Variants in MAML2 observed in about 807,000 individuals in gnomAD.
MAML2 encodes the protein mastermind-like protein 2.
MAML2 carries 22 observed loss-of-function variants against 96.1 expected under a neutral mutation model. That is an observed-to-expected ratio of 0.23 (90% CI 0.16 to 0.33). The LOEUF (loss-of-function observed/expected upper bound fraction) is 0.33, where lower values mean the gene tolerates loss of function less well. Ranked by LOEUF, MAML2 falls within the 10% of genes least tolerant of loss-of-function variation. The pLI, the probability that MAML2 is intolerant of heterozygous loss-of-function variation, is 1.00. For synonymous variants in MAML2, 561 were observed against 521.3 expected, an observed-to-expected ratio of 1.08 and a Z score of -1.04; for missense variants, 1,367 against 1,392.4, an observed-to-expected ratio of 0.98 and a Z score of 0.29.
chr11:96,204,990 A>G (rs4753191), intron 1 of MAML2, among the ~76,000 whole-genome samples: 36,075 of 152,102 alleles, frequency 0.24, 4,310 homozygotes, highest in East Asian at 0.3. Flanking sequence ...TCAGAGTCCT[A>G]TATCTGTTGC....
chr11:96,105,721 C>A (rs921167953), intron 1 of MAML2, among the ~76,000 whole-genome samples: 1 of 152,142 alleles, frequency 6.6e-6, no homozygotes, highest in Non-Finnish European at 1.5e-5. Flanking sequence ...GCCTGAGTAA[C>A]TATGAACCAT....
rs575772889 is a variant in MAML2, at chr11:96,120,059, G to A, written c.514-26542C>T. On this transcript the variant is annotated intron_variant, in intron 1 of 4. Transcript: ENST00000524717. ...TGCAAGCTCCGCCTCCCAGGTTCACGCCATTCTCCTGCCTCAGCCTCCCGA... is the reference window on the plus strand; with the variant it reads ...TGCAAGCTCCGCCTCCCAGGTTCACACCATTCTCCTGCCTCAGCCTCCCGA... 6.0e-5 allele frequency among the ~76,000 whole-genome samples: 9 copies of A among 148,838 alleles called. No individual in the cohort carries two copies. In the East Asian group the frequency reaches 8.0e-4, roughly 13 times the overall value.
chr11:96,216,760 A>G (rs1244761856), intron 1 of MAML2, among the ~76,000 whole-genome samples: 2 of 152,216 alleles, frequency 1.3e-5, no homozygotes, highest in African/African-American at 4.8e-5. Context: ...TTAGAAGCCA[A>G]CGTAATGTGT....
intron 2 of MAML2, among the ~76,000 whole-genome samples, chr11:96,007,873 T>G (rs58994894): frequency 0.39 from 33,340 of 86,134 alleles, 4,681 homozygotes; most frequent in South Asian, 0.51. Flanking sequence ...CTGGGGACTG[T>G]GGTGGGGTGG....
Position 96,125,413 on chromosome 11 carries a change from T to C in MAML2, c.514-31896A>G, listed in dbSNP as rs984601109. On this transcript the variant is annotated intron_variant, in intron 1 of 4. Transcript: ENST00000524717. ...CAGGAGAGGCATGAGGTGACATCTG[T>C]AACACAAGTGGGTGGCTACCGCTGG... Among the ~76,000 whole-genome samples, 8 of 152,070 alleles carry C rather than the reference T, an allele frequency of 5.3e-5. No individual in the cohort carries two copies. In the South Asian group the frequency reaches 6.2e-4, roughly 12 times the overall value.
intron 2 of MAML2, among the ~76,000 whole-genome samples, chr11:96,020,787 C>T (rs570054441): frequency 3.3e-5 from 5 of 152,104 alleles, no homozygotes; most frequent in Admixed American, 6.5e-5. Context: ...GTCTTAGTGG[C>T]AGAGTGTAAG....
At chr11:96,141,595 A>G (rs961151379) in intron 1 of MAML2, among the ~76,000 whole-genome samples, 1 of 152,154 alleles carries the variant, frequency 6.6e-6, no homozygotes, top group African/African-American at 2.4e-5. Flanking sequence ...AAGGTAAATG[A>G]GTTTGAGGCA....
At chr11:96,005,346 C>G (rs949867563) in intron 2 of MAML2, among the ~76,000 whole-genome samples, 2 of 152,146 alleles carry the variant, frequency 1.3e-5, no homozygotes, top group East Asian at 3.8e-4. Context: ...TTTCAGTCTT[C>G]CCTTATGACT....
chr11:96,030,910 C>T (rs1490438321), intron 2 of MAML2, among the ~76,000 whole-genome samples: 2 of 152,178 alleles, frequency 1.3e-5, no homozygotes, highest in Admixed American at 6.5e-5. Context: ...ACTACCAATC[C>T]TTGTTCTTAT....
At chr11:96,120,431 C>T (rs1302480498) in intron 1 of MAML2, among the ~76,000 whole-genome samples, 1 of 152,048 alleles carries the variant, frequency 6.6e-6, no homozygotes, top group Non-Finnish European at 1.5e-5. Flanking sequence ...CCCTGATGAC[C>T]CCAACAGAGG....
At chr11:96,049,191 C>T (rs1858952937) in intron 2 of MAML2, among the ~76,000 whole-genome samples, 1 of 152,120 alleles carries the variant, frequency 6.6e-6, no homozygotes, top group Non-Finnish European at 1.5e-5. Flanking sequence ...AGGGTGGTGA[C>T]TTCAGAACTG....
intron 2 of MAML2, among the ~76,000 whole-genome samples, chr11:96,070,024 AAAATAAAT>A (rs550416059): frequency 7.9e-5 from 12 of 151,320 alleles, no homozygotes; most frequent in Admixed American, 3.9e-4. Context: ...CTCTGTCTCA[AAAATAAAT>A]AAATAAATAA....
chr11:96,217,415 A>T (rs762341935), intron 1 of MAML2, among the ~76,000 whole-genome samples: 2 of 152,182 alleles, frequency 1.3e-5, no homozygotes, highest in African/African-American at 4.8e-5. Flanking sequence ...CACTGTTTCC[A>T]CTTATAGCGT....
chr11:96,148,166 A>C (rs500798), intron 1 of MAML2, among the ~76,000 whole-genome samples: 2,572 of 152,312 alleles, frequency 0.017, 37 homozygotes, highest in Middle Eastern at 0.031. Context: ...TACTCTGAAT[A>C]AGTAATTATG....
At chr11:96,189,429 G>A (rs978320598) in intron 1 of MAML2, among the ~76,000 whole-genome samples, 2 of 152,188 alleles carry the variant, frequency 1.3e-5, no homozygotes, top group Non-Finnish European at 2.9e-5. Flanking sequence ...TGGATGCTTT[G>A]AATTCTCCAT....
chr11:96,053,338 C>G (rs1377686248), intron 2 of MAML2, among the ~76,000 whole-genome samples: 1 of 152,132 alleles, frequency 6.6e-6, no homozygotes, highest in Non-Finnish European at 1.5e-5. Context: ...TTGATTATCT[C>G]AGAAATCCCT....
chr11:96,078,178 C>A (rs1412398363), intron 2 of MAML2, among the ~76,000 whole-genome samples: 3 of 152,322 alleles, frequency 2.0e-5, no homozygotes, highest in East Asian at 1.9e-4. Flanking sequence ...TCTTGTCCTG[C>A]AATTTTCCAT....
chr11:96,250,895 G>C (rs937231302), intron 1 of MAML2, among the ~76,000 whole-genome samples: 1 of 152,136 alleles, frequency 6.6e-6, no homozygotes, highest in African/African-American at 2.4e-5. Flanking sequence ...CATCTTGAAA[G>C]CCTCTTAATT....
intron 1 of MAML2, among the ~76,000 whole-genome samples, chr11:96,158,404 T>C (rs1030858232): frequency 6.6e-6 from 1 of 152,258 alleles, no homozygotes; most frequent in East Asian, 1.9e-4. Flanking sequence ...TGCCCCAGTT[T>C]CCCTGTGTGG....
Sources: allele counts gnomAD v4.1 joint callset (sites outside exome capture counted in the v4.1 genomes callset), GRCh38; gene constraint gnomAD v4.1.1; transcripts MANE v1.5; gene names NCBI Gene and HGNC (gene_info 2026-07-23, HGNC 2026-07-21).